The following TMEM108 variants were observed in gnomAD, a reference collection of about 807,000 sequenced individuals.
The protein encoded by TMEM108 is cancer/testis antigen 124.
Under a neutral mutation model 35.1 loss-of-function variants are expected in TMEM108, and 12 were observed. The observed-to-expected ratio is 0.34, with a 90% CI of 0.22 to 0.55. TMEM108 has a LOEUF of 0.55. Among genes scored for constraint, TMEM108 ranks in the 20% least tolerant of loss-of-function variants. The probability of loss-of-function intolerance (pLI) is 0.89; values close to 1 mark genes in which losing one functional copy is unlikely to be tolerated. For missense variants in TMEM108, 680 were observed against 753.3 expected, an observed-to-expected ratio of 0.90 and a Z score of 1.14; for synonymous variants, 287 against 308.6, an observed-to-expected ratio of 0.93 and a Z score of 0.73.
At chr3:133,128,607 T>C (rs62280311) in intron 2 of TMEM108, among the ~76,000 whole-genome samples, 14,735 of 152,182 alleles carry the variant, frequency 0.097, 908 homozygotes, top group Admixed American at 0.17. Flanking sequence ...AAGAAAGCCA[T>C]TGAATTGTTC....
intron 3 of TMEM108, among the ~76,000 whole-genome samples, chr3:133,368,150 G>T (rs1368249126): frequency 1.3e-5 from 2 of 152,034 alleles, no homozygotes; most frequent in Non-Finnish European, 2.9e-5. Flanking sequence ...GCCATGGGCT[G>T]CAAGCTCTGG....
chr3:133,141,981 G>A (rs1215282989), intron 2 of TMEM108, among the ~76,000 whole-genome samples: 2 of 152,172 alleles, frequency 1.3e-5, no homozygotes, highest in South Asian at 2.1e-4. Flanking sequence ...GTTATGGGGA[G>A]AAGAGGGGCA....
At chr3:133,164,179 C>T (rs1401002204) in intron 2 of TMEM108, among the ~76,000 whole-genome samples, 2 of 152,162 alleles carry the variant, frequency 1.3e-5, no homozygotes, top group Non-Finnish European at 2.9e-5. Flanking sequence ...ATTTTTAGTG[C>T]CGTTTTCTAC....
At chr3:133,042,297 G>C (rs1342578188) in intron 1 of TMEM108, among the ~76,000 whole-genome samples, 1 of 152,142 alleles carries the variant, frequency 6.6e-6, no homozygotes, top group Non-Finnish European at 1.5e-5. Context: ...TAGGTTATTT[G>C]AGGTTTCTTT....
intron 4 of TMEM108, among the ~76,000 whole-genome samples, chr3:133,386,105 G>A (rs928541297): frequency 1.3e-5 from 2 of 152,154 alleles, no homozygotes; most frequent in African/African-American, 2.4e-5. Context: ...CATTAGAGGG[G>A]TTCCATGTCC....
chr3:133,362,358 G>C (rs2072377270), intron 3 of TMEM108, among the ~76,000 whole-genome samples: 1 of 152,136 alleles, frequency 6.6e-6, no homozygotes, highest in South Asian at 2.1e-4. Flanking sequence ...CCACAGTGAT[G>C]ATGTCCCATG....
chr3:133,242,807 A>T (rs1946331986), intron 3 of TMEM108, among the ~76,000 whole-genome samples: 1 of 152,210 alleles, frequency 6.6e-6, no homozygotes. Context: ...ATGTTCTCTC[A>T]AAGTCACACA....
At chr3:133,136,873 T>C (rs1160088236) in intron 2 of TMEM108, among the ~76,000 whole-genome samples, 1 of 152,206 alleles carries the variant, frequency 6.6e-6, no homozygotes, top group African/African-American at 2.4e-5. Context: ...GGCTGATCCA[T>C]GGAATCCTGC....
At chr3:133,186,341 T>C (rs745741709) in intron 2 of TMEM108, among the ~76,000 whole-genome samples, 1 of 152,214 alleles carries the variant, frequency 6.6e-6, no homozygotes, top group Non-Finnish European at 1.5e-5. Flanking sequence ...AAGTGTTGCT[T>C]AACTTCCCAG....
intron 2 of TMEM108, among the ~76,000 whole-genome samples, chr3:133,071,122 T>G (rs988084670): frequency 6.6e-6 from 1 of 152,178 alleles, no homozygotes; most frequent in Non-Finnish European, 1.5e-5. Context: ...TTAAATAAGT[T>G]GCAACATAGG....
chr3:133,362,008 A>AC (rs1050508688), intron 3 of TMEM108, among the ~76,000 whole-genome samples: 14 of 151,290 alleles, frequency 9.3e-5, no homozygotes, highest in African/African-American at 2.4e-4. Context: ...TCCTATCACC[A>AC]CCCCCCCACC....
chr3:133,140,220 A>G (rs1003753161), intron 2 of TMEM108, among the ~76,000 whole-genome samples: 7 of 152,286 alleles, frequency 4.6e-5, no homozygotes, highest in Admixed American at 3.9e-4. Flanking sequence ...CATATAATTT[A>G]TAAGTTTTCT....
At chr3:133,344,773 G>A (rs2107755087) in intron 3 of TMEM108, among the ~76,000 whole-genome samples, 1 of 151,624 alleles carries the variant, frequency 6.6e-6, no homozygotes, top group Admixed American at 6.6e-5. Flanking sequence ...TACAGATGAG[G>A]AAACTTTAAA....
At chr3:133,179,572 C>T (rs1279602885) in intron 2 of TMEM108, among the ~76,000 whole-genome samples, 2 of 151,784 alleles carry the variant, frequency 1.3e-5, no homozygotes, top group Admixed American at 1.3e-4. Context: ...AACCAAACAC[C>T]ACTTGTTCTC....
At chr3:133,176,115 G>C (rs1945223512) in intron 2 of TMEM108, among the ~76,000 whole-genome samples, 1 of 152,104 alleles carries the variant, frequency 6.6e-6, no homozygotes, top group African/African-American at 2.4e-5. Context: ...TCAACAAGAA[G>C]AGCTAACTAT....
intron 2 of TMEM108, among the ~76,000 whole-genome samples, chr3:133,177,489 C>T (rs1945253077): frequency 6.6e-6 from 1 of 152,180 alleles, no homozygotes; most frequent in Admixed American, 6.5e-5. Context: ...GGCTTCATCC[C>T]TGGGATGCAA....
chr3:133,150,322 T>TA (rs1393978447), intron 2 of TMEM108, among the ~76,000 whole-genome samples: 1 of 139,594 alleles, frequency 7.2e-6, no homozygotes, highest in East Asian at 2.0e-4. Flanking sequence ...TTTGCCCATT[T>TA]AAAAAAATCA....
chr3:133,205,574 G>T (rs920072185), intron 2 of TMEM108, among the ~76,000 whole-genome samples: 3 of 152,138 alleles, frequency 2.0e-5, no homozygotes, highest in Non-Finnish European at 4.4e-5. Flanking sequence ...GCTTAGTTTG[G>T]CTGGATATGA....
At chr3:133,377,998 C>A (rs987376585) in intron 3 of TMEM108, among the ~76,000 whole-genome samples, 4 of 152,156 alleles carry the variant, frequency 2.6e-5, no homozygotes, top group South Asian at 2.1e-4. Flanking sequence ...AACCATACCC[C>A]CCCCGACCAA....
Sources: allele counts gnomAD v4.1 joint callset (sites outside exome capture counted in the v4.1 genomes callset), GRCh38; gene constraint gnomAD v4.1.1; transcripts MANE v1.5; gene names NCBI Gene and HGNC (gene_info 2026-07-23, HGNC 2026-07-21).